DYM: variants seen among roughly 807,000 people sequenced by gnomAD.
The protein encoded by DYM is dyggve-Melchior-Clausen syndrome protein.
In DYM, 78 loss-of-function variants were observed where a neutral mutation model predicts 93.1. That is an observed-to-expected ratio of 0.84 (90% CI 0.70 to 1.01). The LOEUF is 1.01. Ranked by LOEUF, DYM falls within the 50% of genes least tolerant of loss-of-function variation. DYM has a pLI of 0.00. For synonymous variants in DYM, 321 were observed against 319.7 expected (o/e 1.00, Z -0.04); for missense variants, 789 against 845.0 (o/e 0.93, Z 0.82).
chr18:49,346,351 T>C (rs1485354030), intron 6 of DYM, among the ~76,000 whole-genome samples: 1 of 152,192 alleles, frequency 6.6e-6, no homozygotes. Context: ...GAACACATTA[T>C]ACAAAGTAAA....
Position 49,073,779 on chromosome 18 carries a change from C to A in DYM, c.2025+23623G>T, listed in dbSNP as rs147099333. Among the ~76,000 whole-genome samples the A allele has an allele frequency of 1.4e-4, 21 of 152,264 alleles. No individual in the cohort carries two copies. The East Asian group carries it at 3.5e-3, about 25-fold the overall frequency. ...AATGAGCCCTAAGCTTCCTCTTTAA[C>A]CATTTAATCCATTTTTTCTTCTTCC... On this transcript the variant is annotated intron_variant, in intron 17 of 17. Coordinates refer to ENST00000675505, the MANE Select transcript of DYM (RefSeq NM_001353214.3).
intron 8 of DYM, 137 bp from the exon 9 acceptor site, chr18:49,286,753 T>G: frequency 3.6e-6 from 3 of 824,836 alleles, no homozygotes; most frequent in East Asian, 2.7e-5. Context: ...GTCTATACAT[T>G]TCACAAGGCC....
chr18:49,265,705 G>A (rs544975612), intron 11 of DYM, among the ~76,000 whole-genome samples: 46 of 150,938 alleles, frequency 3.0e-4, no homozygotes, highest in African/African-American at 1.1e-3. Flanking sequence ...TTGAACTTGG[G>A]AGGCAGAGGT....
chr18:49,361,248 A>T (rs754385201), intron 6 of DYM, among the ~76,000 whole-genome samples: 1 of 152,114 alleles, frequency 6.6e-6, no homozygotes, highest in Admixed American at 6.5e-5. Flanking sequence ...CCTCAGCCCT[A>T]CTTTCCTGGG....
intron 16 of DYM, among the ~76,000 whole-genome samples, chr18:49,104,284 G>A (rs2080528914): frequency 2.0e-5 from 3 of 152,210 alleles, no homozygotes; most frequent in Admixed American, 2.0e-4. Flanking sequence ...CTTTGCTGAA[G>A]TTGCCTATCA....
chr18:49,440,890 A>ATTTT (rs1201426572), intron 1 of DYM, among the ~76,000 whole-genome samples: 15 of 104 alleles, frequency 0.14, 1 homozygote, highest in Middle Eastern at 0.5. Flanking sequence ...TTATATATAT[A>ATTTT]ATATATTTAT....
At chr18:49,085,022 A>G (rs1211092350) in intron 17 of DYM, among the ~76,000 whole-genome samples, 9 of 152,232 alleles carry the variant, frequency 5.9e-5, no homozygotes, top group Non-Finnish European at 1.3e-4. Context: ...CTATTATTTT[A>G]CAGTATACAT....
In DYM at chr18:49,342,371, A is replaced by G. The variant is rs2064231712; in HGVS notation, c.495-8518T>C. Reference sequence around the variant, plus strand: ...TAATGAATGACAGTCTCTCCATTAAAAGGTCTTTAACTTTAAACACATCTA... The same window carrying G: ...TAATGAATGACAGTCTCTCCATTAAGAGGTCTTTAACTTTAAACACATCTA... On this transcript the variant is annotated intron_variant, in intron 6 of 17. Coordinates refer to ENST00000675505, the MANE Select transcript of DYM (RefSeq NM_001353214.3). Among the ~76,000 whole-genome samples, 13 of 152,166 alleles carry G rather than the reference A, an allele frequency of 8.5e-5. No individual in the cohort carries two copies. The South Asian group carries it at 2.7e-3, about 32-fold the overall frequency.
At chr18:49,225,603 G>C (rs1289247065) in intron 13 of DYM, among the ~76,000 whole-genome samples, 1 of 152,092 alleles carries the variant, frequency 6.6e-6, no homozygotes, top group East Asian at 1.9e-4. Context: ...TTTTCTGTGA[G>C]TTGTTTTATT....
At chr18:49,046,471 A>C (rs969503272) in intron 17 of DYM, among the ~76,000 whole-genome samples, 4 of 150,112 alleles carry the variant, frequency 2.7e-5, no homozygotes, top group African/African-American at 9.9e-5. Flanking sequence ...AGACACACCC[A>C]CACACACACA....
At chr18:49,454,613 C>A (rs1428024360) in intron 1 of DYM, among the ~76,000 whole-genome samples, 1 of 152,066 alleles carries the variant, frequency 6.6e-6, no homozygotes, top group Non-Finnish European at 1.5e-5. Context: ...TAAAAATCTG[C>A]TGCAGGCCGG....
chr18:49,065,189 AC>A (rs2076294408), intron 17 of DYM, among the ~76,000 whole-genome samples: 1 of 151,980 alleles, frequency 6.6e-6, no homozygotes, highest in South Asian at 2.1e-4. Context: ...TCACTAAAAT[AC>A]CCACAGAAGG....
rs572615042 is a variant in DYM, at chr18:49,063,936, A to C, written c.2026-19732T>G. On this transcript the variant is annotated intron_variant, in intron 17 of 17. Coordinates refer to ENST00000675505, the MANE Select transcript of DYM (RefSeq NM_001353214.3). Reference sequence around the variant, plus strand: ...GAGCCACGGTGCCTGGCTGAAGGTAATAATTTCTAAACCCTAAGAGAAAGG... The same window carrying C: ...GAGCCACGGTGCCTGGCTGAAGGTACTAATTTCTAAACCCTAAGAGAAAGG... 4.7e-4 allele frequency among the ~76,000 whole-genome samples: 71 copies of C among 152,254 alleles called. 2 individuals carry two copies. In the South Asian group the frequency reaches 0.013, roughly 29 times the overall value.
chr18:49,266,297 C>G (rs866444272), intron 11 of DYM, among the ~76,000 whole-genome samples: 5 of 152,072 alleles, frequency 3.3e-5, no homozygotes, highest in Admixed American at 1.3e-4. Context: ...CTTTTCTTCA[C>G]CATATAATAA....
At chr18:49,129,276 G>A (rs1343282769) in intron 15 of DYM, among the ~76,000 whole-genome samples, 1 of 152,118 alleles carries the variant, frequency 6.6e-6, no homozygotes, top group Non-Finnish European at 1.5e-5. Flanking sequence ...GGTCACGTGT[G>A]TACACATTGT....
intron 1 of DYM, among the ~76,000 whole-genome samples, chr18:49,454,744 CAA>C (rs57507210): frequency 2.1e-5 from 3 of 140,804 alleles, no homozygotes; most frequent in Admixed American, 7.1e-5. Context: ...CTAAAAATAC[CAA>C]AAAAAAAAAA....
At chr18:49,421,589 C>T (rs911492947) in intron 2 of DYM, among the ~76,000 whole-genome samples, 6 of 152,228 alleles carry the variant, frequency 3.9e-5, no homozygotes, top group Non-Finnish European at 8.8e-5. Context: ...ATCAGAGTGC[C>T]TCTTCTCCTC....
At chr18:49,447,823 A>G (rs79136481) in intron 1 of DYM, among the ~76,000 whole-genome samples, 322 of 152,218 alleles carry the variant, frequency 2.1e-3, no homozygotes, top group African/African-American at 7.0e-3. Context: ...AAGATCAGGG[A>G]ATGTCGTAGT....
intron 15 of DYM, among the ~76,000 whole-genome samples, chr18:49,160,576 CAAAAAA>C (rs34811276): frequency 7.4e-6 from 1 of 135,614 alleles, no homozygotes; most frequent in Non-Finnish European, 1.6e-5. Flanking sequence ...GACTCTGTCT[CAAAAAA>C]AAAAAAAAAA....
Sources: gnomAD v4.1 joint callset for allele counts (sites outside exome capture counted in the v4.1 genomes callset) on GRCh38, gnomAD v4.1.1 for gene constraint, MANE v1.5 for transcripts, NCBI Gene and HGNC (gene_info 2026-07-23, HGNC 2026-07-21) for gene names.